Variants in ROBO1 observed in about 807,000 individuals in gnomAD.
ROBO1 encodes the protein roundabout homolog 1.
Under a neutral mutation model 195.9 loss-of-function variants are expected in ROBO1, and 149 were observed. That is an observed-to-expected ratio of 0.76 (90% CI 0.67 to 0.87). ROBO1 has a LOEUF of 0.87. Among genes scored for constraint, ROBO1 ranks in the 40% least tolerant of loss-of-function variants. The pLI is 0.00. For missense variants in ROBO1, 1,933 were observed against 2,068.3 expected (o/e 0.93, Z 1.27); for synonymous variants, 816 against 733.2 (o/e 1.11, Z -1.82).
At chr3:79,615,147 C>T (rs911801876) in intron 1 of ROBO1, among the ~76,000 whole-genome samples, 4 of 152,118 alleles carry the variant, frequency 2.6e-5, no homozygotes, top group Non-Finnish European at 4.4e-5. Context: ...AACATTAAAA[C>T]GGATACTTAA....
intron 2 of ROBO1, among the ~76,000 whole-genome samples, chr3:79,576,935 C>T (rs562749750): frequency 9.6e-4 from 146 of 152,264 alleles, no homozygotes; most frequent in African/African-American, 3.4e-3. Flanking sequence ...TCGACTTGTT[C>T]CATCTATAAC....
chr3:78,660,929 A>T, intron 16 of ROBO1, 101 bp downstream of exon 16: 2 of 805,020 alleles, frequency 2.5e-6, no homozygotes, highest in Non-Finnish European at 1.9e-6. Flanking sequence ...GAAAGTTAGT[A>T]ATTAATGCCA....
At chr3:79,273,469 A>G (rs1434432745) in intron 2 of ROBO1, among the ~76,000 whole-genome samples, 1 of 152,082 alleles carries the variant, frequency 6.6e-6, no homozygotes, top group Non-Finnish European at 1.5e-5. Flanking sequence ...GTAAGATGTT[A>G]TTTGCAAGCC....
intron 1 of ROBO1, among the ~76,000 whole-genome samples, chr3:79,660,750 G>T (rs1391153998): frequency 1.3e-5 from 2 of 152,002 alleles, no homozygotes; most frequent in Non-Finnish European, 2.9e-5. Flanking sequence ...GTGATTCTTG[G>T]TATTCTAATA....
At chr3:79,223,937 T>G (rs1188185714) in intron 2 of ROBO1, among the ~76,000 whole-genome samples, 3 of 152,198 alleles carry the variant, frequency 2.0e-5, no homozygotes, top group Non-Finnish European at 1.5e-5. Flanking sequence ...CAGAAAATCA[T>G]TTCTGGGAAA....
At chr3:79,504,971 G>A (rs957926372) in intron 2 of ROBO1, among the ~76,000 whole-genome samples, 50 of 151,784 alleles carry the variant, frequency 3.3e-4, no homozygotes, top group African/African-American at 8.7e-4. Context: ...TGTAATAGAA[G>A]GTATATCCCA....
chr3:78,760,649 G>C (rs915229464), intron 4 of ROBO1, among the ~76,000 whole-genome samples: 9 of 152,054 alleles, frequency 5.9e-5, no homozygotes, highest in African/African-American at 1.2e-4. Flanking sequence ...TGCTTTTGTT[G>C]TTGCTGTTTT....
intron 4 of ROBO1, among the ~76,000 whole-genome samples, chr3:78,904,815 T>C (rs895818900): frequency 1.6e-4 from 24 of 151,688 alleles, no homozygotes; most frequent in African/African-American, 5.6e-4. Context: ...TTCAGCAAAA[T>C]AATGAAACAT....
At chr3:78,677,770 C>T (rs1405464290) in intron 10 of ROBO1, among the ~76,000 whole-genome samples, 4 of 152,272 alleles carry the variant, frequency 2.6e-5, no homozygotes, top group Non-Finnish European at 5.9e-5. Flanking sequence ...ATCGACAAGA[C>T]AGAAAGTTAA....
At chr3:79,691,260 C>T (rs1947289365) in intron 1 of ROBO1, among the ~76,000 whole-genome samples, 1 of 151,756 alleles carries the variant, frequency 6.6e-6, no homozygotes, top group Admixed American at 6.6e-5. Context: ...GAATTGGTAC[C>T]ATCCTCTGCC....
chr3:79,278,199 T>C (rs74321073), intron 2 of ROBO1, among the ~76,000 whole-genome samples: 1 of 152,134 alleles, frequency 6.6e-6, no homozygotes. Context: ...TCCATGTTCA[T>C]GGATCAGAAG....
At position 79,415,878 on chromosome 3, in the gene ROBO1, A is replaced by C. The variant is rs187641383; in HGVS notation, c.88+173946T>G. ...AATTACACATAGAAAGTGGGTAACA[A>C]CGGGTTTCAAGGTTGCAGCTAGGTT... On this transcript the variant is annotated intron_variant, in intron 2 of 30. Transcript: ENST00000464233. 4.0e-3 allele frequency among the ~76,000 whole-genome samples: 609 copies of C among 152,278 alleles called. 5 individuals carry two copies. Among genetic ancestry groups the C allele is most frequent in the African/African-American group, 0.014 (569 of 41,574 alleles).
chr3:79,584,666 C>T (rs1247932985), intron 2 of ROBO1, among the ~76,000 whole-genome samples: 6 of 146,642 alleles, frequency 4.1e-5, no homozygotes, highest in Non-Finnish European at 6.0e-5. Flanking sequence ...CACACATACA[C>T]GTACACACAT....
intron 2 of ROBO1, among the ~76,000 whole-genome samples, chr3:79,485,600 T>C (rs922653479): frequency 1.4e-4 from 22 of 152,180 alleles, no homozygotes; most frequent in African/African-American, 4.6e-4. Context: ...ATAGATACCA[T>C]GAGTCAGATA....
chr3:79,746,924 T>C (rs1431099215), intron 1 of ROBO1, among the ~76,000 whole-genome samples: 2 of 152,106 alleles, frequency 1.3e-5, no homozygotes, highest in Non-Finnish European at 2.9e-5. Context: ...TCATTTTCTT[T>C]GTAAAAAAGC....
intron 2 of ROBO1, among the ~76,000 whole-genome samples, chr3:79,310,634 G>A (rs922609524): frequency 6.6e-6 from 1 of 152,078 alleles, no homozygotes; most frequent in Non-Finnish European, 1.5e-5. Context: ...AATTTTAGAT[G>A]TTTCCCAAAG....
chr3:79,640,010 C>A (rs968568030), intron 1 of ROBO1, among the ~76,000 whole-genome samples: 1 of 152,076 alleles, frequency 6.6e-6, no homozygotes, highest in Admixed American at 6.6e-5. Context: ...ATCTTTTCTT[C>A]ATCATCCAGG....
chr3:78,764,146 T>C (rs192561955), intron 4 of ROBO1, among the ~76,000 whole-genome samples: 198 of 152,270 alleles, frequency 1.3e-3, no homozygotes, highest in Non-Finnish European at 1.2e-3. Flanking sequence ...TTTTGTACTG[T>C]GGAGACATGA....
chr3:79,611,848 T>A (rs886527094), intron 1 of ROBO1, among the ~76,000 whole-genome samples: 6 of 151,814 alleles, frequency 4.0e-5, no homozygotes, highest in South Asian at 2.1e-4. Flanking sequence ...GGAAAAAACC[T>A]GCGCATTCTG....
Sources: gnomAD v4.1 joint callset for allele counts (sites outside exome capture counted in the v4.1 genomes callset) on GRCh38, gnomAD v4.1.1 for gene constraint, MANE v1.5 for transcripts, NCBI Gene and HGNC (gene_info 2026-07-23, HGNC 2026-07-21) for gene names.